The following RABGAP1L variants were observed in gnomAD, a reference collection of about 807,000 sequenced individuals.
The protein encoded by RABGAP1L is rab GTPase-activating protein 1-like.
RABGAP1L carries 63 observed loss-of-function variants against 137.7 expected under a neutral mutation model. The observed-to-expected ratio is 0.46, with a 90% CI of 0.37 to 0.56. RABGAP1L has a LOEUF of 0.56. Among genes scored for constraint, RABGAP1L ranks in the 20% least tolerant of loss-of-function variants. RABGAP1L has a pLI of 0.00. For synonymous variants in RABGAP1L, 431 were observed against 433.7 expected (o/e 0.99, Z 0.08); for missense variants, 1,095 against 1,244.0 (o/e 0.88, Z 1.80).
intron 13 of RABGAP1L, among the ~76,000 whole-genome samples, chr1:174,480,977 T>C (rs985941813): frequency 2.0e-5 from 3 of 152,212 alleles, no homozygotes; most frequent in Admixed American, 6.5e-5. Context: ...TACTAATTTT[T>C]AAAGTAGACC....
intron 10 of RABGAP1L, among the ~76,000 whole-genome samples, chr1:174,300,529 CAAA>C (rs34220318): frequency 3.6e-5 from 3 of 84,244 alleles, no homozygotes; most frequent in Non-Finnish European, 2.4e-5. Context: ...AACTCCATCT[CAAA>C]AAAAAAAAAA....
At chr1:174,324,250 C>G (rs1427226154) in intron 11 of RABGAP1L, among the ~76,000 whole-genome samples, 1 of 151,864 alleles carries the variant, frequency 6.6e-6, no homozygotes, top group Non-Finnish European at 1.5e-5. Context: ...ATGAGGGGTG[C>G]AGAAGAGATA....
intron 19 of RABGAP1L, among the ~76,000 whole-genome samples, chr1:174,922,802 A>G (rs555444921): frequency 4.7e-4 from 71 of 152,322 alleles, no homozygotes; most frequent in African/African-American, 1.7e-3. Flanking sequence ...TTCTGTGCCA[A>G]CTACCAGCTG....
At chr1:174,554,749 G>T (rs1439935381) in intron 13 of RABGAP1L, among the ~76,000 whole-genome samples, 1 of 152,108 alleles carries the variant, frequency 6.6e-6, no homozygotes, top group African/African-American at 2.4e-5. Flanking sequence ...AAATGTTTGT[G>T]GGGGGTGAGT....
At chr1:174,941,977 A>G (rs978398886) in intron 19 of RABGAP1L, among the ~76,000 whole-genome samples, 8 of 152,152 alleles carry the variant, frequency 5.3e-5, no homozygotes, top group African/African-American at 1.9e-4. Context: ...TCTTGTACAC[A>G]GTAGATATTT....
At chr1:174,386,886 C>T (rs1460859435) in intron 12 of RABGAP1L, among the ~76,000 whole-genome samples, 3 of 152,228 alleles carry the variant, frequency 2.0e-5, no homozygotes, top group African/African-American at 7.2e-5. Context: ...CTGGCCCAGG[C>T]AGTACTTGAA....
At chr1:174,164,668 T>C (rs1407260399) in intron 1 of RABGAP1L, among the ~76,000 whole-genome samples, 1 of 152,214 alleles carries the variant, frequency 6.6e-6, no homozygotes, top group African/African-American at 2.4e-5. Flanking sequence ...TCCCTCCTCA[T>C]AGGTAGTTGT....
intron 6 of RABGAP1L, among the ~76,000 whole-genome samples, chr1:174,251,949 T>G (rs2148598481): frequency 6.6e-6 from 1 of 152,054 alleles, no homozygotes; most frequent in South Asian, 2.1e-4. Flanking sequence ...CAGGCAAGAT[T>G]GCAGCAGTGC....
At chr1:174,585,422 C>T (rs1204748107) in intron 13 of RABGAP1L, among the ~76,000 whole-genome samples, 4 of 152,076 alleles carry the variant, frequency 2.6e-5, no homozygotes, top group South Asian at 2.1e-4. Flanking sequence ...AGGTAAGGCA[C>T]ATAAAAATAA....
In RABGAP1L at chr1:174,588,156, A is replaced by G. The variant is rs1288811939; in HGVS notation, c.1711-49219A>G. 2.6e-5 allele frequency among the ~76,000 whole-genome samples: 4 copies of G among 151,774 alleles called. No homozygotes were observed. In the East Asian group the frequency reaches 5.8e-4, roughly 22 times the overall value. ...GCTGGGATTACAGGCATGAGCCACC[A>G]TGCCTGGCCTATTTATTTATTTATT... On this transcript the variant is annotated intron_variant, in intron 13 of 25. Transcript: ENST00000681986.
chr1:174,319,007 A>G (rs559125130), intron 11 of RABGAP1L, among the ~76,000 whole-genome samples: 230 of 152,160 alleles, frequency 1.5e-3, no homozygotes, highest in African/African-American at 5.3e-3. Flanking sequence ...AGTGATTTAC[A>G]TACTGCCATT....
At chr1:174,469,292 A>T (rs1316675865) in intron 13 of RABGAP1L, among the ~76,000 whole-genome samples, 2 of 152,160 alleles carry the variant, frequency 1.3e-5, no homozygotes, top group African/African-American at 2.4e-5. Context: ...AGAAAGTTTC[A>T]TATTATTGTC....
rs184267560 is a variant in RABGAP1L, at chr1:174,711,620, A to G, written c.2169+9364A>G. Among the ~76,000 whole-genome samples, 113 of 152,288 alleles carry G rather than the reference A, an allele frequency of 7.4e-4. 3 individuals are homozygous for G. The East Asian group carries it at 0.017, about 23-fold the overall frequency. ...CACGCTCGAATTCTCGCCAGGCCTT[A>G]GCTGCCTCCCCATAGGGCAGGGTTC... On this transcript the variant is annotated intron_variant, in intron 17 of 25. Transcript: ENST00000681986.
chr1:174,766,962 C>T (rs914675543), intron 18 of RABGAP1L, among the ~76,000 whole-genome samples: 11 of 152,158 alleles, frequency 7.2e-5, no homozygotes, highest in Non-Finnish European at 1.3e-4. Flanking sequence ...ATCCACAACC[C>T]CTTATCTTAA....
intron 20 of RABGAP1L, among the ~76,000 whole-genome samples, chr1:174,958,389 A>C (rs962333385): frequency 6.6e-6 from 1 of 152,170 alleles, no homozygotes; most frequent in Admixed American, 6.5e-5. Flanking sequence ...ATTTTTTTCC[A>C]AGTAAAATAT....
At chr1:174,863,040 G>A (rs1265102927) in intron 19 of RABGAP1L, among the ~76,000 whole-genome samples, 1 of 151,204 alleles carries the variant, frequency 6.6e-6, no homozygotes, top group Non-Finnish European at 1.5e-5. Context: ...GACTACAGGC[G>A]CACCTACCAT....
At chr1:174,569,281 G>T (rs1199409589) in intron 13 of RABGAP1L, among the ~76,000 whole-genome samples, 1 of 152,172 alleles carries the variant, frequency 6.6e-6, no homozygotes, top group East Asian at 1.9e-4. Context: ...TAATTTTGGA[G>T]AACTTTGAGA....
chr1:174,858,045 AG>A (rs1649608310), intron 19 of RABGAP1L, among the ~76,000 whole-genome samples: 1 of 152,088 alleles, frequency 6.6e-6, no homozygotes. Flanking sequence ...ATTTTTAGGC[AG>A]GGTCTCACTT....
At chr1:174,484,847 T>C (rs2149339038) in intron 13 of RABGAP1L, among the ~76,000 whole-genome samples, 1 of 152,338 alleles carries the variant, frequency 6.6e-6, no homozygotes, top group South Asian at 2.1e-4. Flanking sequence ...GTTTCTGTGC[T>C]GTCATGTAAA....
Sources: allele counts gnomAD v4.1 joint callset (sites outside exome capture counted in the v4.1 genomes callset), GRCh38; gene constraint gnomAD v4.1.1; transcripts MANE v1.5; gene names NCBI Gene and HGNC (gene_info 2026-07-23, HGNC 2026-07-21).